SYT4: variants seen among roughly 807,000 people sequenced by gnomAD.
The protein encoded by SYT4 is synaptotagmin 4.
SYT4 carries 7 observed loss-of-function variants against 32.9 expected under a neutral mutation model. The ratio of observed to expected loss-of-function variants is 0.21; its 90% CI spans 0.12 to 0.40. The LOEUF is 0.40. Among genes scored for constraint, SYT4 ranks in the 10% least tolerant of loss-of-function variants. SYT4 has a pLI of 1.00. For missense variants in SYT4, 480 were observed against 488.0 expected (o/e 0.98, Z 0.16); for synonymous variants, 205 against 186.2 (o/e 1.10, Z -0.82).
rs1274611615 is a variant in SYT4 at position 43,273,846 on chromosome 18, T to C, written c.583A>G (p.Lys195Glu). The change falls in exon 2 of 4, where the codon AAA becomes GAA. Residue 195 changes from lysine (K) to glutamate (E), a missense_variant. Coordinates refer to ENST00000255224, the MANE Select transcript of SYT4 (RefSeq NM_020783.4). ...EQSMTSDPYI[K>E]MTILPEKKHK... ...TTCTTCTCTGGGAGGATCGTCATTT[T>C]GATATATGGGTCAGAGGTCATCGAC... 6.2e-7 allele frequency: 1 copy of C among 1,614,096 alleles called. No individual in the cohort carries two copies. The highest frequency in any genetic ancestry group is 1.7e-5 in the Admixed American group (1 of 60,020).
chr18:43,274,687 C>G (rs1908739046), intron 1 of SYT4, among the ~76,000 whole-genome samples: 1 of 152,130 alleles, frequency 6.6e-6, no homozygotes, highest in Admixed American at 6.6e-5. Context: ...CTTAATGACT[C>G]TGACCTATCT....
In SYT4 at chr18:43,273,958, G is replaced by C. The variant is rs1215257625; in HGVS notation, c.471C>G (p.Leu157=). The C allele has an allele frequency of 6.2e-7, 1 of 1,613,862 alleles. No individual in the cohort carries two copies. Among genetic ancestry groups the C allele is most frequent in the African/African-American group, 1.3e-5 (1 of 74,926 alleles). The change falls in exon 2 of 4, where the codon CTC becomes CTG. Residue 157 remains leucine (L), a synonymous_variant. Transcript: ENST00000255224. The part of the protein sequence containing the change: ...SEEKQEKLGT[L]FFSLEYNFER... ...CGAAGTTGTATTCTAAGGAGAAGAA[G>C]AGAGTTCCCAGCTTCTCTTGTTTCT...
At chr18:43,273,488 A>G (rs2144367343) in intron 2 of SYT4, 92 bp downstream of exon 2, 1 of 789,676 alleles carries the variant, frequency 1.3e-6, no homozygotes, top group East Asian at 2.7e-5. Flanking sequence ...GATGATATGT[A>G]CAAGCTTATC....
chr18:43,271,994 C>T, intron 2 of SYT4, 162 bp from the exon 3 acceptor site: 3 of 686,246 alleles, frequency 4.4e-6, no homozygotes, highest in Admixed American at 3.8e-5. Flanking sequence ...TTGAGCAGTA[C>T]CATCGCTGCT....
In SYT4 at chr18:43,270,616, T is replaced by C. The variant is rs1392159274; in HGVS notation, c.1003A>G (p.Lys335Glu). Residue 335 changes from lysine (K) to glutamate (E), a missense_variant, in exon 4 of 4, where the codon AAA (lysine) becomes GAA (glutamate). Coordinates refer to ENST00000255224, the MANE Select transcript of SYT4 (RefSeq NM_020783.4). ...GTCTTCTTCTTGGAGATTCTCTTTT[T>C]GGCATGGTACAGGTTCACTTTGACA... ...PYVKVNLYHA[K>E]KRISKKKTHV... 6.2e-7 allele frequency: 1 copy of C among 1,614,028 alleles called. No homozygotes were observed. The highest frequency in any genetic ancestry group is 2.2e-5 in the East Asian group (1 of 44,858).
chr18:43,277,299 G>A lies in SYT4; in HGVS notation c.-18C>T. 6.2e-7 allele frequency: 1 copy of A among 1,613,944 alleles called. No homozygotes were observed. The highest frequency in any genetic ancestry group is 1.3e-5 in the African/African-American group (1 of 75,012). On this transcript the variant is annotated 5_prime_UTR_variant, in exon 1 of 4. Transcript: ENST00000255224. ...GGAGCCATTTTTTACTGCGTGTTCT[G>A]TCCGAGGTGCTGAAGGGAAAACTGC...
chr18:43,273,895 A>G lies in SYT4; in HGVS notation c.534T>C (p.Arg178=), dbSNP rs1908708142. ...ACTGCTCATCCATGGCTGGCAAGCC[A>G]CGGGCTTCCTTGATATTGACCACAA... ...KAFVVNIKEA[R]GLPAMDEQSM... is the part of the protein sequence containing the mutation. The change falls in exon 2 of 4, where the codon CGT becomes CGC. Residue 178 remains arginine, a synonymous_variant. Coordinates refer to ENST00000255224, the MANE Select transcript of SYT4 (RefSeq NM_020783.4). 1.9e-6 allele frequency: 3 copies of G among 1,613,948 alleles called. No homozygotes were observed. The highest frequency in any genetic ancestry group is 3.3e-5 in the Admixed American group (2 of 59,996).
rs1359127177 is a variant in SYT4 at position 43,277,313 on chromosome 18, A to C, written c.-32T>G. 1 of 1,613,882 alleles carries C rather than the reference A, an allele frequency of 6.2e-7. No homozygotes were observed. The highest frequency in any genetic ancestry group is 1.7e-5 in the Admixed American group (1 of 60,008). ...CTGCGTGTTCTGTCCGAGGTGCTGA[A>C]GGGAAAACTGCCTGGCTGGATTCAC... is the stretch of plus-strand genomic sequence containing the variant. On this transcript the variant is annotated 5_prime_UTR_variant, in exon 1 of 4. Transcript: ENST00000255224.
intron 1 of SYT4, among the ~76,000 whole-genome samples, chr18:43,276,370 A>G (rs773307272): frequency 1.6e-4 from 25 of 152,086 alleles, no homozygotes; most frequent in Non-Finnish European, 2.4e-4. Flanking sequence ...TGTAGATATC[A>G]CTCCTCTTCA....
At position 43,273,576 on chromosome 18, in the gene SYT4, T is replaced by C. The variant is rs768699437; in HGVS notation, c.849+4A>G. 2 of 1,581,432 alleles carry C rather than the reference T, an allele frequency of 1.3e-6. No individual in the cohort carries two copies. Among genetic ancestry groups the C allele is most frequent in the East Asian group, 4.5e-5 (2 of 44,478 alleles). On this transcript the variant is annotated splice_donor_region_variant and intron_variant, in intron 2 of 3. Transcript: ENST00000255224. ...AAATACTTTAAGCACTGAAAATAAA[T>C]TACCCTAACATTTCTCTTGATGATC...
At chr18:43,276,755 T>C (rs1908805869) in intron 1 of SYT4, among the ~76,000 whole-genome samples, 1 of 152,120 alleles carries the variant, frequency 6.6e-6, no homozygotes, top group Non-Finnish European at 1.5e-5. Flanking sequence ...AAGAAAAACA[T>C]AGCAGAGAAA....
chr18:43,272,713 C>A (rs1186320945), intron 2 of SYT4, among the ~76,000 whole-genome samples: 1 of 152,038 alleles, frequency 6.6e-6, no homozygotes, highest in Non-Finnish European at 1.5e-5. Context: ...GAAGAAAGAT[C>A]CTTATTCCCA....
Position 43,276,342 on chromosome 18 carries a change from T to A in SYT4, c.34+906A>T, listed in dbSNP as rs148820560. ...ATCATAGTTATTTTACTCAGCTTAA[T>A]AACAATTATCACACATCTGTAGATA... On this transcript the variant is annotated intron_variant, in intron 1 of 3. Transcript: ENST00000255224. Among the ~76,000 whole-genome samples, 302 of 152,306 alleles carry A rather than the reference T, an allele frequency of 2.0e-3. 1 individual carries two copies. Among genetic ancestry groups the A allele is most frequent in the Middle Eastern group, 0.01 (3 of 294 alleles).
rs773365817 is a variant in SYT4, at chr18:43,273,610, C to T, written c.819G>A (p.Met273Ile). ...GIELSEGKML[M>I]NREIIKRNVR... ...CATTTCTCTTGATGATCTCTCTATT[C>T]ATTAACATTTTTCCTTCAGATAATT... The change falls in exon 2 of 4, where the codon ATG (methionine) becomes ATA (isoleucine). Residue 273 changes from methionine (M) to isoleucine (I), a missense_variant. Physicochemically the swap from Met to Ile is conservative, Grantham distance 10. Coordinates refer to ENST00000255224, the MANE Select transcript of SYT4 (RefSeq NM_020783.4). 5 of 1,612,590 alleles carry T rather than the reference C, an allele frequency of 3.1e-6. No homozygotes were observed. In the Admixed American group the frequency reaches 6.7e-5, roughly 22 times the overall value.
chr18:43,268,784 A>G lies in SYT4; in HGVS notation c.*1557T>C, dbSNP rs1908536048. 2 of 152,606 alleles carry G rather than the reference A, an allele frequency of 1.3e-5. No individual in the cohort carries two copies. The allele number at this position is 152,606 out of a possible 1,614,324, so 9.5% of individuals were successfully genotyped here. ...TCTTTGTACATACAGAATGTAATAC[A>G]TTTTCTTTACATTAGGCATAGTCAT... On this transcript the variant is annotated 3_prime_UTR_variant, in exon 4 of 4. Coordinates refer to ENST00000255224, the MANE Select transcript of SYT4 (RefSeq NM_020783.4).
intron 2 of SYT4, among the ~76,000 whole-genome samples, chr18:43,272,538 C>A (rs1411005902): frequency 6.6e-6 from 1 of 152,082 alleles, no homozygotes; most frequent in Non-Finnish European, 1.5e-5. Flanking sequence ...ATAAGATATA[C>A]AATAATTCAA....
intron 1 of SYT4, among the ~76,000 whole-genome samples, chr18:43,275,995 A>G (rs532828598): frequency 2.0e-5 from 3 of 152,342 alleles, no homozygotes; most frequent in South Asian, 4.1e-4. Context: ...TAAAAACAAT[A>G]AAAACAGTAG....
rs1186156820 is a variant in SYT4, at chr18:43,274,049, A to G, written c.380T>C (p.Leu127Ser). 1.2e-6 allele frequency: 2 copies of G among 1,614,000 alleles called. No homozygotes were observed. The highest frequency in any genetic ancestry group is 2.2e-5 in the East Asian group (1 of 44,858). ...GGAAACTGACTCTTTTTCCCCTTCT[A>G]AAAAGAGCTTCGGGGTTGCATTCTC... ...DLENATPKLF[L>S]EGEKESVSPE... The change falls in exon 2 of 4, where the codon TTA (leucine) becomes TCA (serine). Residue 127 changes from leucine (L) to serine (S), a missense_variant. Coordinates refer to ENST00000255224, the MANE Select transcript of SYT4 (RefSeq NM_020783.4).
At position 43,273,737 on chromosome 18, in the gene SYT4, G is replaced by A. The variant is rs746235891; in HGVS notation, c.692C>T (p.Thr231Ile). 9.3e-6 allele frequency: 15 copies of A among 1,613,894 alleles called. No homozygotes were observed. The highest frequency in any genetic ancestry group is 8.3e-5 in the Admixed American group (5 of 59,990). The change falls in exon 2 of 4, where the codon ACC becomes ATC. Residue 231 changes from threonine (T) to isoleucine (I), a missense_variant. By Grantham distance (89) the Thr-to-Ile change is moderately conservative. Coordinates refer to ENST00000255224, the MANE Select transcript of SYT4 (RefSeq NM_020783.4). ...ETFTFYGIPY[T>I]QIQELALHFT... is the part of the protein sequence containing the mutation. ...GTGCAAGGCCAATTCTTGGATTTGG[G>A]TGTAGGGTATCCCATAGAATGTAAA...
Sources: allele counts gnomAD v4.1 joint callset (sites outside exome capture counted in the v4.1 genomes callset), GRCh38; gene constraint gnomAD v4.1.1; transcripts MANE v1.5; gene names NCBI Gene and HGNC (gene_info 2026-07-23, HGNC 2026-07-21).